Variants in ZC3H11A observed in about 807,000 individuals in gnomAD.
ZC3H11A encodes the protein zinc finger CCCH-type containing 11A.
A neutral mutation model predicts 90.8 loss-of-function variants in ZC3H11A; 22 were observed. The observed-to-expected ratio is 0.24, with a 90% CI of 0.17 to 0.35. The LOEUF is 0.35. Ranked by LOEUF, ZC3H11A falls within the 10% of genes least tolerant of loss-of-function variation. The pLI, the probability that ZC3H11A is intolerant of heterozygous loss-of-function variation, is 1.00. For synonymous variants in ZC3H11A, 294 were observed against 339.8 expected (o/e 0.87, Z 1.48); for missense variants, 701 against 964.9 (o/e 0.73, Z 3.62).
At chr1:203,797,500 C>T (rs1052156271) in intron 1 of ZC3H11A, 5 of 1,465,032 alleles carry the variant, frequency 3.4e-6, no homozygotes, top group Non-Finnish European at 3.6e-6. Context: ...GATTCTGGTA[C>T]GAATTGTGGA....
intron 2 of ZC3H11A, among the ~76,000 whole-genome samples, chr1:203,806,730 T>C (rs1672473678): frequency 6.6e-6 from 1 of 152,188 alleles, no homozygotes; most frequent in Admixed American, 6.5e-5. Flanking sequence ...TTTTACCATA[T>C]TGCATATGCT....
intron 4 of ZC3H11A, among the ~76,000 whole-genome samples, chr1:203,827,686 A>G (rs1407199601): frequency 2.6e-5 from 4 of 151,824 alleles, no homozygotes; most frequent in Admixed American, 6.6e-5. Context: ...TGTCTCAAAA[A>G]AAAAAAAAAA....
At chr1:203,800,847 C>T (rs1483755030) in intron 1 of ZC3H11A, 2 of 156,320 alleles carry the variant, frequency 1.3e-5, no homozygotes, top group East Asian at 1.9e-4. Context: ...GAAAAAAGTA[C>T]ACTGGCTGGC....
intron 2 of ZC3H11A, among the ~76,000 whole-genome samples, chr1:203,810,655 G>A (rs1674133971): frequency 6.6e-6 from 1 of 152,052 alleles, no homozygotes; most frequent in South Asian, 2.1e-4. Context: ...TCCTGACCTC[G>A]TGATCCACCC....
At chr1:203,827,809 A>G (rs1451491688) in intron 4 of ZC3H11A, among the ~76,000 whole-genome samples, 1 of 152,176 alleles carries the variant, frequency 6.6e-6, no homozygotes, top group Non-Finnish European at 1.5e-5. Context: ...TCTCAGCTTC[A>G]AGTAATAACT....
chr1:203,799,927 A>T, intron 1 of ZC3H11A: 2 of 1,536,146 alleles, frequency 1.3e-6, no homozygotes, highest in South Asian at 1.2e-5. Context: ...GTCTGTAATT[A>T]TATGGAATCT....
chr1:203,800,549 T>C, intron 1 of ZC3H11A: 4 of 1,240,388 alleles, frequency 3.2e-6, no homozygotes, highest in Non-Finnish European at 4.3e-6. Context: ...TCATTATCTT[T>C]ATAAACACAT....
chr1:203,850,410 G>C, intron 15 of ZC3H11A, 105 bp from the exon 16 acceptor site: 2 of 1,469,424 alleles, frequency 1.4e-6, no homozygotes, highest in Non-Finnish European at 1.9e-6. Flanking sequence ...TGAATTATTT[G>C]TGGTATTTCT....
At chr1:203,816,769 A>G (rs943199438) in intron 2 of ZC3H11A, among the ~76,000 whole-genome samples, 157 bp from the exon 3 acceptor site, 1 of 152,202 alleles carries the variant, frequency 6.6e-6, no homozygotes, top group Non-Finnish European at 1.5e-5. Flanking sequence ...GTAGATGGGA[A>G]TGTACAGTAT....
intron 12 of ZC3H11A, among the ~76,000 whole-genome samples, chr1:203,841,144 T>C (rs74619113): frequency 1.9e-4 from 26 of 137,030 alleles, no homozygotes; most frequent in Admixed American, 1.3e-3. Flanking sequence ...ATAAGAATCT[T>C]TTTTTTTTTT....
intron 8 of ZC3H11A, 71 bp downstream of exon 8, chr1:203,830,274 CAACAGCCAAAATGAGCA>C: frequency 8.5e-7 from 1 of 1,181,994 alleles, no homozygotes. Flanking sequence ...CTTCTAGAAG[CAACAGCCAAAATGAGCA>C]AATAGATTTT....
chr1:203,809,172 GTTTTTTTTTTTT>G (rs33926996), intron 2 of ZC3H11A, among the ~76,000 whole-genome samples: 1 of 83,248 alleles, frequency 1.2e-5, no homozygotes, highest in South Asian at 4.8e-4. Flanking sequence ...TCTTCTCACT[GTTTTTTTTTTTT>G]TTTTTTTTTG....
chr1:203,842,009 A>G (rs1390873598), intron 12 of ZC3H11A, among the ~76,000 whole-genome samples: 1 of 138,018 alleles, frequency 7.2e-6, no homozygotes, highest in South Asian at 2.4e-4. Flanking sequence ...ACGGGGCGGC[A>G]GGGCAGAGGC....
At chr1:203,805,558 G>T in intron 2 of ZC3H11A, 1 of 591,254 alleles carries the variant, frequency 1.7e-6, no homozygotes, top group South Asian at 1.4e-5. Flanking sequence ...CGGTAAATTT[G>T]GAAAGATCAG....
intron 15 of ZC3H11A, 107 bp downstream of exon 15, chr1:203,850,133 C>T (rs575397599): frequency 5.3e-6 from 5 of 938,486 alleles, no homozygotes; most frequent in African/African-American, 1.7e-5. Flanking sequence ...TTTCATTTGC[C>T]TTCTATCCAC....
intron 11 of ZC3H11A, among the ~76,000 whole-genome samples, chr1:203,838,954 CAAAA>C: frequency 1.0e-5 from 1 of 97,942 alleles, no homozygotes; most frequent in African/African-American, 4.3e-5. Context: ...GACTTCATCT[CAAAA>C]AAAAAAAAAA....
At chr1:203,850,379 C>A in intron 15 of ZC3H11A, 136 bp from the exon 16 acceptor site, 1 of 1,344,194 alleles carries the variant, frequency 7.4e-7, no homozygotes, top group Non-Finnish European at 1.1e-6. Context: ...GCCTTTGAAT[C>A]GTTTTCAGTC....
intron 4 of ZC3H11A, 145 bp downstream of exon 4, chr1:203,818,834 C>T: frequency 7.7e-7 from 1 of 1,291,064 alleles, no homozygotes; most frequent in Non-Finnish European, 1.0e-6. Context: ...CTTTGGGAGG[C>T]TGAGGCGGGT....
intron 4 of ZC3H11A, among the ~76,000 whole-genome samples, chr1:203,824,410 T>A (rs1243321184): frequency 5.3e-5 from 8 of 152,202 alleles, no homozygotes; most frequent in African/African-American, 1.9e-4. Context: ...AGAAGGAGTC[T>A]TTTTATCATG....
Sources: allele counts gnomAD v4.1 joint callset (sites outside exome capture counted in the v4.1 genomes callset), GRCh38; gene constraint gnomAD v4.1.1; transcripts MANE v1.5; gene names NCBI Gene and HGNC (gene_info 2026-07-23, HGNC 2026-07-21).